Variants in HS3ST5 observed in about 807,000 individuals in gnomAD.
HS3ST5 encodes heparan sulfate-glucosamine 3-sulfotransferase 5.
In HS3ST5, 10 loss-of-function variants were observed where a neutral mutation model predicts 25.4. The ratio of observed to expected loss-of-function variants is 0.39; its 90% confidence interval spans 0.24 to 0.67. The LOEUF (loss-of-function observed/expected upper bound fraction) is 0.67, where lower values mean the gene tolerates loss of function less well. Ranked by LOEUF, HS3ST5 falls within the 30% of genes least tolerant of loss-of-function variation. The probability of loss-of-function intolerance (pLI) is 0.44; values close to 1 mark genes in which losing one functional copy is unlikely to be tolerated. For synonymous variants in HS3ST5, 170 were observed against 162.4 expected, an observed-to-expected ratio of 1.05 and a Z score of -0.36; for missense variants, 324 against 420.7, an observed-to-expected ratio of 0.77 and a Z score of 2.01.
chr6:114,303,462 AT>A (rs11324031), intron 1 of HS3ST5, among the ~76,000 whole-genome samples: 64,282 of 148,928 alleles, frequency 0.43, 14,171 homozygotes, highest in African/African-American at 0.53. Context: ...CTGTGTTTGC[AT>A]TTTTTTTTTT....
intron 1 of HS3ST5, among the ~76,000 whole-genome samples, chr6:114,335,760 T>C (rs1252202318): frequency 6.6e-6 from 1 of 151,994 alleles, no homozygotes; most frequent in Non-Finnish European, 1.5e-5. Context: ...GTTCAAGAGA[T>C]TCTCCTGCAT....
intron 3 of HS3ST5, among the ~76,000 whole-genome samples, chr6:114,118,551 C>G (rs1776640564): frequency 6.6e-6 from 1 of 152,146 alleles, no homozygotes; most frequent in African/African-American, 2.4e-5. Flanking sequence ...TCTCATTTCT[C>G]TACTCAAGAA....
At chr6:114,243,124 C>A (rs1483068174) in intron 1 of HS3ST5, among the ~76,000 whole-genome samples, 1 of 152,200 alleles carries the variant, frequency 6.6e-6, no homozygotes, top group Non-Finnish European at 1.5e-5. Flanking sequence ...CCCCAGCTGA[C>A]CTCATCCACA....
intron 3 of HS3ST5, among the ~76,000 whole-genome samples, chr6:114,088,125 C>G (rs1774933885): frequency 6.6e-6 from 1 of 152,144 alleles, no homozygotes; most frequent in African/African-American, 2.4e-5. Context: ...TTTCTTTTTA[C>G]TTTTTCTAAT....
intron 2 of HS3ST5, among the ~76,000 whole-genome samples, chr6:114,200,433 T>C (rs932621868): frequency 6.6e-6 from 1 of 152,198 alleles, no homozygotes; most frequent in Admixed American, 6.5e-5. Flanking sequence ...GATTCCTTTT[T>C]GTCTTTGAAA....
intron 2 of HS3ST5, among the ~76,000 whole-genome samples, chr6:114,195,947 C>T (rs1054338017): frequency 7.9e-5 from 12 of 152,136 alleles, no homozygotes; most frequent in African/African-American, 2.9e-4. Context: ...TGGAGTAACT[C>T]AAGCTAAGGG....
chr6:114,111,446 C>G (rs1447549216), intron 3 of HS3ST5, among the ~76,000 whole-genome samples: 1 of 152,140 alleles, frequency 6.6e-6, no homozygotes, highest in East Asian at 1.9e-4. Flanking sequence ...ATTTTCTAAG[C>G]CATTTAGTAG....
At chr6:114,123,937 T>G (rs1776915089) in intron 3 of HS3ST5, among the ~76,000 whole-genome samples, 1 of 152,190 alleles carries the variant, frequency 6.6e-6, no homozygotes, top group Admixed American at 6.5e-5. Context: ...TTTCAAGAAT[T>G]ATATAAGGAT....
chr6:114,098,773 A>T (rs1775577409), intron 3 of HS3ST5, among the ~76,000 whole-genome samples: 2 of 151,756 alleles, frequency 1.3e-5, no homozygotes, highest in South Asian at 4.1e-4. Flanking sequence ...ATTGGTGTGT[A>T]TTTTTTTGAT....
chr6:114,139,007 C>A (rs886587888), intron 3 of HS3ST5, among the ~76,000 whole-genome samples: 11 of 152,134 alleles, frequency 7.2e-5, no homozygotes, highest in Admixed American at 3.9e-4. Context: ...CCCCTAATGT[C>A]CTCACCTTGG....
intron 2 of HS3ST5, among the ~76,000 whole-genome samples, chr6:114,222,937 A>C (rs941625280): frequency 2.0e-5 from 3 of 151,810 alleles, no homozygotes; most frequent in African/African-American, 7.2e-5. Flanking sequence ...GATGTATTTG[A>C]GCAATCTTTA....
chr6:114,095,530 C>T (rs1459667522), intron 3 of HS3ST5, among the ~76,000 whole-genome samples: 2 of 152,076 alleles, frequency 1.3e-5, no homozygotes, highest in Admixed American at 6.6e-5. Flanking sequence ...CACTGATAGG[C>T]GATTTAACTG....
chr6:114,283,033 A>G (rs1774189679), intron 1 of HS3ST5, among the ~76,000 whole-genome samples: 2 of 152,052 alleles, frequency 1.3e-5, no homozygotes, highest in South Asian at 2.1e-4. Context: ...TATAGAATCA[A>G]TAAGAGAATT....
chr6:114,110,063 C>T (rs962659651), intron 3 of HS3ST5, among the ~76,000 whole-genome samples: 2 of 152,158 alleles, frequency 1.3e-5, no homozygotes, highest in Non-Finnish European at 2.9e-5. Flanking sequence ...GACCCAGAAA[C>T]GATGGACTAC....
chr6:114,294,395 C>G lies in HS3ST5; in HGVS notation c.-339+47800G>C, dbSNP rs543118839. ...TTGGATTAGATGGTTTTTGGTGTGTCCTCTTGAACTCCTAAAATTAATATG... is the reference window on the plus strand; with the variant it reads ...TTGGATTAGATGGTTTTTGGTGTGTGCTCTTGAACTCCTAAAATTAATATG... On this transcript the variant is annotated intron_variant, in intron 1 of 4. Transcript: ENST00000312719. Among the ~76,000 whole-genome samples, 4 of 151,804 alleles carry G rather than the reference C, an allele frequency of 2.6e-5. No homozygotes were observed. The South Asian group carries it at 8.3e-4, about 32-fold the overall frequency.
rs139038167 is a variant in HS3ST5 at position 114,174,958 on chromosome 6, A to T, written c.-144-6496T>A. 3.2e-3 allele frequency among the ~76,000 whole-genome samples: 487 copies of T among 152,250 alleles called. 11 individuals carry two copies. The East Asian group carries it at 0.048, about 15-fold the overall frequency. The stretch of plus-strand genomic sequence containing the variant: ...CAGTGATCCAAGATCATGCCACTGC[A>T]CTCCAGCCTGGTGACAGAGCGAGAC... On this transcript the variant is annotated intron_variant, in intron 2 of 4. Transcript: ENST00000312719.
chr6:114,092,203 A>T (rs1293117592), intron 3 of HS3ST5, among the ~76,000 whole-genome samples: 1 of 152,210 alleles, frequency 6.6e-6, no homozygotes. Flanking sequence ...CAGTGCCCTT[A>T]CTTTAGTGAC....
intron 1 of HS3ST5, among the ~76,000 whole-genome samples, chr6:114,335,323 A>G (rs1310975894): frequency 6.6e-6 from 1 of 151,218 alleles, no homozygotes; most frequent in East Asian, 1.9e-4. Context: ...AAAAAAAAAA[A>G]TCTAAGAATA....
At chr6:114,202,879 A>T (rs1781093046) in intron 2 of HS3ST5, among the ~76,000 whole-genome samples, 1 of 152,200 alleles carries the variant, frequency 6.6e-6, no homozygotes. Flanking sequence ...TGAAGTCATA[A>T]TTCCCTTCTG....
Sources: allele counts gnomAD v4.1 joint callset (sites outside exome capture counted in the v4.1 genomes callset), GRCh38; gene constraint gnomAD v4.1.1; transcripts MANE v1.5; gene names NCBI Gene and HGNC (gene_info 2026-07-23, HGNC 2026-07-21).